The following GNG12 variants were observed in gnomAD, a reference collection of about 807,000 sequenced individuals.
GNG12 encodes G protein subunit gamma 12, also known as guanine nucleotide-binding protein G(I)/G(S)/G(O) subunit gamma-12.
For missense variants in GNG12, 69 were observed against 83.8 expected (o/e 0.82, Z 0.69); for synonymous variants, 28 against 29.7 (o/e 0.94, Z 0.19).
At chr1:67,778,193 A>T (rs1477066760) in intron 1 of GNG12, among the ~76,000 whole-genome samples, 1 of 151,752 alleles carries the variant, frequency 6.6e-6, no homozygotes, top group East Asian at 1.9e-4. Context: ...AAAAGAAATT[A>T]ATTTTAATAT....
chr1:67,770,631 A>G (rs1320612294), intron 2 of GNG12, among the ~76,000 whole-genome samples: 2 of 152,144 alleles, frequency 1.3e-5, no homozygotes, highest in African/African-American at 4.8e-5. Context: ...GCAGGAGGAG[A>G]GAACCACCCA....
chr1:67,807,655 A>G (rs1015286997), intron 1 of GNG12, among the ~76,000 whole-genome samples: 1 of 152,088 alleles, frequency 6.6e-6, no homozygotes, highest in South Asian at 2.1e-4. Context: ...TCCCATATAC[A>G]TTAAAAGGCT....
intron 3 of GNG12, among the ~76,000 whole-genome samples, chr1:67,705,908 G>A (rs962828794): frequency 2.0e-5 from 3 of 152,186 alleles, no homozygotes; most frequent in African/African-American, 7.2e-5. Flanking sequence ...TCCAATCAGC[G>A]AACGATCACA....
intron 1 of GNG12, among the ~76,000 whole-genome samples, chr1:67,785,335 T>A (rs1646761699): frequency 6.6e-6 from 1 of 152,212 alleles, no homozygotes; most frequent in Non-Finnish European, 1.5e-5. Context: ...AAATTAAGTT[T>A]TACTTGATTA....
rs1647063948 is a variant in GNG12 at position 67,833,328 on chromosome 1, G to A, written c.-77+16C>T. 2.1e-6 allele frequency: 2 copies of A among 959,596 alleles called. No individual in the cohort carries two copies. Among genetic ancestry groups the A allele is most frequent in the Non-Finnish European group, 2.5e-6 (2 of 806,284 alleles). 59.4% of individuals were successfully genotyped at this position (959,596 alleles called of 1,614,324 possible). A position where few individuals can be genotyped will look rare whatever the true frequency, so the allele number is the denominator to read the frequency against. The stretch of plus-strand genomic sequence containing the variant: ...GGGACCCGACTCACCACCCGCGCCC[G>A]CCGCTTGGTACTCACCCGCCTGCCG... On this transcript the variant is annotated intron_variant, in intron 1 of 3. Coordinates refer to ENST00000370982, the MANE Select transcript of GNG12 (RefSeq NM_018841.6).
chr1:67,822,020 T>C (rs916666972), intron 1 of GNG12, among the ~76,000 whole-genome samples: 1 of 150,814 alleles, frequency 6.6e-6, no homozygotes, highest in South Asian at 2.2e-4. Context: ...AGGGGAAGAA[T>C]TGTCTTGGGC....
chr1:67,830,146 C>G (rs1410902030), intron 1 of GNG12, among the ~76,000 whole-genome samples: 2 of 152,064 alleles, frequency 1.3e-5, no homozygotes, highest in Non-Finnish European at 2.9e-5. Flanking sequence ...GCTGGGACTT[C>G]AGGCATGCGC....
intron 1 of GNG12, among the ~76,000 whole-genome samples, chr1:67,809,715 AAAC>A (rs1202896028): frequency 1.3e-5 from 2 of 152,116 alleles, no homozygotes; most frequent in South Asian, 2.1e-4. Flanking sequence ...TTACAAACGA[AAAC>A]AACGAGATAC....
At chr1:67,745,219 A>G (rs769926659) in intron 2 of GNG12, among the ~76,000 whole-genome samples, 2 of 152,232 alleles carry the variant, frequency 1.3e-5, no homozygotes, top group East Asian at 3.8e-4. Flanking sequence ...GTCATCACAG[A>G]AAATTTATAT....
At chr1:67,722,338 C>T (rs369320018) in intron 2 of GNG12, among the ~76,000 whole-genome samples, 9 of 152,228 alleles carry the variant, frequency 5.9e-5, no homozygotes, top group East Asian at 3.9e-4. Flanking sequence ...GTGTACAGCT[C>T]GCTGACATTT....
intron 2 of GNG12, among the ~76,000 whole-genome samples, chr1:67,722,890 T>C (rs1646363929): frequency 6.6e-6 from 1 of 152,184 alleles, no homozygotes; most frequent in Admixed American, 6.5e-5. Flanking sequence ...ATTGGGATTC[T>C]GCCACTTAAT....
chr1:67,788,514 T>G (rs1277044386), intron 1 of GNG12, among the ~76,000 whole-genome samples: 1 of 151,956 alleles, frequency 6.6e-6, no homozygotes, highest in African/African-American at 2.4e-5. Flanking sequence ...TTGTATTTTT[T>G]TTTTTTTAAG....
intron 2 of GNG12, among the ~76,000 whole-genome samples, chr1:67,718,608 A>C (rs537684495): frequency 2.7e-5 from 4 of 147,042 alleles, no homozygotes; most frequent in African/African-American, 1.0e-4. Flanking sequence ...AACCCATTTT[A>C]ACTTTCCCCA....
chr1:67,755,812 C>G (rs1254009191), intron 2 of GNG12, among the ~76,000 whole-genome samples: 1 of 152,040 alleles, frequency 6.6e-6, no homozygotes, highest in Non-Finnish European at 1.5e-5. Flanking sequence ...GTCCTAAGGT[C>G]ATAACGAACA....
At position 67,771,488 on chromosome 1, in the gene GNG12, C is replaced by T. The variant is rs147614118; in HGVS notation, c.-27+5970G>A. On this transcript the variant is annotated intron_variant, in intron 2 of 3. Coordinates refer to ENST00000370982, the MANE Select transcript of GNG12 (RefSeq NM_018841.6). ...ATTGTCCCGGATGAGTGGTTTTCAG[C>T]AAAACTTTTGCGACTGAAGCAGGAA... Among the ~76,000 whole-genome samples the T allele has an allele frequency of 5.9e-4, 90 of 152,324 alleles. 1 individual carries two copies. Among genetic ancestry groups the T allele is most frequent in the African/African-American group, 2.0e-3 (85 of 41,564 alleles).
At chr1:67,782,671 A>G (rs1279963293) in intron 1 of GNG12, among the ~76,000 whole-genome samples, 3 of 152,224 alleles carry the variant, frequency 2.0e-5, no homozygotes, top group Non-Finnish European at 4.4e-5. Flanking sequence ...AAATTTTAAA[A>G]AAATACACAT....
At chr1:67,778,304 C>T (rs895072492) in intron 1 of GNG12, among the ~76,000 whole-genome samples, 32 of 152,158 alleles carry the variant, frequency 2.1e-4, no homozygotes, top group African/African-American at 6.7e-4. Context: ...AGATTCAGTA[C>T]GTCTCAACTT....
At chr1:67,744,188 A>G (rs1646496694) in intron 2 of GNG12, among the ~76,000 whole-genome samples, 1 of 152,226 alleles carries the variant, frequency 6.6e-6, no homozygotes, top group African/African-American at 2.4e-5. Context: ...CACTTTATGT[A>G]TGGAGAAACA....
chr1:67,754,253 G>A (rs999570060), intron 2 of GNG12, among the ~76,000 whole-genome samples: 5 of 152,056 alleles, frequency 3.3e-5, no homozygotes, highest in Non-Finnish European at 5.9e-5. Context: ...TCCCAACCAC[G>A]CCTACCTCCC....
Sources: allele counts gnomAD v4.1 joint callset (sites outside exome capture counted in the v4.1 genomes callset), GRCh38; gene constraint gnomAD v4.1.1; transcripts MANE v1.5; gene names NCBI Gene and HGNC (gene_info 2026-07-23, HGNC 2026-07-21).